The following FRMD4B variants were observed in gnomAD, a reference collection of about 807,000 sequenced individuals.
FRMD4B encodes the protein FERM domain-containing protein 4B.
FRMD4B carries 74 observed loss-of-function variants against 141.5 expected under a neutral mutation model. The observed-to-expected ratio is 0.52, with a 90% CI of 0.43 to 0.63. FRMD4B has a LOEUF of 0.63. FRMD4B is among the 30% of genes least tolerant of loss of function. FRMD4B has a pLI of 0.00. For synonymous variants in FRMD4B, 506 were observed against 467.9 expected, an observed-to-expected ratio of 1.08 and a Z score of -1.05; for missense variants, 1,366 against 1,253.4, an observed-to-expected ratio of 1.09 and a Z score of -1.36.
At chr3:69,246,983 T>A (rs1354780001) in intron 7 of FRMD4B, among the ~76,000 whole-genome samples, 1 of 152,186 alleles carries the variant, frequency 6.6e-6, no homozygotes, top group Non-Finnish European at 1.5e-5. Context: ...AATTACCCTT[T>A]CTTTTTCTAT....
chr3:69,403,487 T>A (rs1254950371), intron 2 of FRMD4B, among the ~76,000 whole-genome samples: 1 of 152,060 alleles, frequency 6.6e-6, no homozygotes, highest in African/African-American at 2.4e-5. Flanking sequence ...GACAGGGAAA[T>A]CTCAGTAAGG....
chr3:69,187,569 A>G (rs2092783435), intron 19 of FRMD4B, among the ~76,000 whole-genome samples: 1 of 144,348 alleles, frequency 6.9e-6, no homozygotes, highest in South Asian at 2.1e-4. Flanking sequence ...ATATATATAC[A>G]TATATATATA....
At chr3:69,298,345 A>C (rs564360297) in intron 4 of FRMD4B, among the ~76,000 whole-genome samples, 13 of 152,234 alleles carry the variant, frequency 8.5e-5, no homozygotes, top group Non-Finnish European at 1.9e-4. Context: ...ATGTGTAGTG[A>C]GTGAGACTCA....
Position 69,342,642 on chromosome 3 carries a change from A to T in FRMD4B, c.163-29125T>A, listed in dbSNP as rs538479687. ...TGCTAGCTCTAACCCCCTCAATAACATTAAAATGTAGTTTTATTTCTAAAT... is the reference window on the plus strand; with the variant it reads ...TGCTAGCTCTAACCCCCTCAATAACTTTAAAATGTAGTTTTATTTCTAAAT... On this transcript the variant is annotated intron_variant, in intron 1 of 22. Transcript: ENST00000398540. Among the ~76,000 whole-genome samples, 8 of 152,338 alleles carry T rather than the reference A, an allele frequency of 5.3e-5. No homozygotes were observed. In the South Asian group the frequency reaches 1.0e-3, roughly 20 times the overall value.
At chr3:69,304,354 G>A (rs1052754190) in intron 3 of FRMD4B, among the ~76,000 whole-genome samples, 1 of 151,408 alleles carries the variant, frequency 6.6e-6, no homozygotes, top group Non-Finnish European at 1.5e-5. Flanking sequence ...CATGGTGGCG[G>A]GTGCCTCTAA....
rs532302421 is a variant in FRMD4B, at chr3:69,186,706, T to C, written c.1919+1064A>G. ...CAGCCTGAGCGACAGAAAGAGACTC[T>C]GTCTATAAAATTTGTAGAGATGGGG... On this transcript the variant is annotated intron_variant, in intron 19 of 22. Transcript: ENST00000398540. Among the ~76,000 whole-genome samples, 3 of 152,304 alleles carry C rather than the reference T, an allele frequency of 2.0e-5. No individual in the cohort carries two copies. In the East Asian group the frequency reaches 5.8e-4, roughly 29 times the overall value.
intron 1 of FRMD4B, chr3:69,536,278 G>A: frequency 4.8e-6 from 3 of 621,796 alleles, no homozygotes; most frequent in South Asian, 3.7e-5. Context: ...CCATCAGGGG[G>A]CCATCTCCCT....
At chr3:69,488,934 C>T (rs1419100561) in intron 1 of FRMD4B, among the ~76,000 whole-genome samples, 2 of 144,948 alleles carry the variant, frequency 1.4e-5, no homozygotes, top group East Asian at 2.1e-4. Flanking sequence ...ATATAAAACT[C>T]TTCAAAGAAA....
At chr3:69,236,528 C>G (rs1002970224) in intron 7 of FRMD4B, among the ~76,000 whole-genome samples, 4 of 152,104 alleles carry the variant, frequency 2.6e-5, no homozygotes, top group African/African-American at 9.7e-5. Context: ...CGTGCCCGGC[C>G]CCAAATTTGG....
intron 1 of FRMD4B, among the ~76,000 whole-genome samples, chr3:69,484,988 C>G (rs1017987600): frequency 1.3e-5 from 2 of 152,172 alleles, no homozygotes; most frequent in African/African-American, 2.4e-5. Context: ...TGGGCCCCCC[C>G]ACCTTCTGCC....
intron 7 of FRMD4B, among the ~76,000 whole-genome samples, chr3:69,248,933 A>C (rs1362720384): frequency 6.6e-6 from 1 of 152,246 alleles, no homozygotes; most frequent in East Asian, 1.9e-4. Flanking sequence ...TAAGCTATCA[A>C]AGCTTTTTAT....
chr3:69,470,988 T>A (rs1705879279), intron 1 of FRMD4B, among the ~76,000 whole-genome samples: 1 of 152,134 alleles, frequency 6.6e-6, no homozygotes, highest in South Asian at 2.1e-4. Flanking sequence ...ACCTAGGTAG[T>A]TTCCTAAGTG....
chr3:69,320,683 A>G (rs541845934), intron 1 of FRMD4B, among the ~76,000 whole-genome samples: 1 of 152,228 alleles, frequency 6.6e-6, no homozygotes, highest in African/African-American at 2.4e-5. Flanking sequence ...AGACCATCAG[A>G]ATAGTTTCAG....
chr3:69,427,643 G>GTTTTTTTTTTT (rs774316609), intron 2 of FRMD4B, among the ~76,000 whole-genome samples: 576 of 36,242 alleles, frequency 0.016, 135 homozygotes, highest in East Asian at 0.05. Context: ...CTAGGTAAAT[G>GTTTTTTTTTTT]TTTTTTTTTT....
rs1575657280 is a variant in FRMD4B, at chr3:69,249,990, C to T, written c.558+53G>A. On this transcript the variant is annotated intron_variant, in intron 6 of 22. Transcript: ENST00000398540. ...AAGTTTCAGAGTTGCAGGCAGTTAACAAAAACGAACAAACACAAGGGAGCT... is the reference window on the plus strand; with the variant it reads ...AAGTTTCAGAGTTGCAGGCAGTTAATAAAAACGAACAAACACAAGGGAGCT... The T allele has an allele frequency of 1.2e-5, 15 of 1,230,506 alleles. No homozygotes were observed. The South Asian group carries it at 1.6e-4, about 13-fold the overall frequency. 76.2% of individuals were successfully genotyped at this position (1,230,506 alleles called of 1,614,324 possible).
intron 17 of FRMD4B, among the ~76,000 whole-genome samples, chr3:69,191,220 G>C (rs1444982283): frequency 1.3e-5 from 2 of 152,264 alleles, no homozygotes; most frequent in African/African-American, 4.8e-5. Flanking sequence ...AGGAGTTTAA[G>C]ACCAGCCTGG....
chr3:69,377,392 A>C (rs1703999566), intron 1 of FRMD4B, among the ~76,000 whole-genome samples: 2 of 152,144 alleles, frequency 1.3e-5, no homozygotes, highest in African/African-American at 4.8e-5. Flanking sequence ...CTGTGTTTTA[A>C]AGCTAGATTC....
chr3:69,290,947 G>A (rs542834463), intron 4 of FRMD4B, among the ~76,000 whole-genome samples: 86 of 152,282 alleles, frequency 5.6e-4, no homozygotes, highest in Non-Finnish European at 9.1e-4. Context: ...AATTGTGGGC[G>A]TCTCAACCAT....
Position 69,346,955 on chromosome 3 carries a change from T to C in FRMD4B, c.163-33438A>G, listed in dbSNP as rs550844808. Among the ~76,000 whole-genome samples, 56 of 152,262 alleles carry C rather than the reference T, an allele frequency of 3.7e-4. 3 individuals are homozygous for C. In the South Asian group the frequency reaches 8.7e-3, roughly 24 times the overall value. On this transcript the variant is annotated intron_variant, in intron 1 of 22. Coordinates refer to ENST00000398540, the MANE Select transcript of FRMD4B (RefSeq NM_015123.3). ...GCAAAATAACCAGCTAACATCATAA[T>C]GACAGGATCAAATTCACTCATAACA...
Sources: gnomAD v4.1 joint callset for allele counts (sites outside exome capture counted in the v4.1 genomes callset) on GRCh38, gnomAD v4.1.1 for gene constraint, MANE v1.5 for transcripts, NCBI Gene and HGNC (gene_info 2026-07-23, HGNC 2026-07-21) for gene names.